Variants in EPHA7 observed in about 807,000 individuals in gnomAD.
EPHA7 encodes the protein ephrin type-A receptor 7.
Under a neutral mutation model 112.6 loss-of-function variants are expected in EPHA7, and 25 were observed. The observed-to-expected ratio is 0.22, with a 90% CI of 0.16 to 0.31. The LOEUF is 0.31. Among genes scored for constraint, EPHA7 ranks in the 10% least tolerant of loss-of-function variants. The pLI is 1.00. For synonymous variants in EPHA7, 437 were observed against 406.5 expected (o/e 1.07, Z -0.90); for missense variants, 962 against 1,212.6 (o/e 0.79, Z 3.07).
chr6:93,254,800 T>C lies in EPHA7; in HGVS notation c.2383-4A>G. ...ACCTTACTGGAATTTTTCCACCCTG[T>C]TATAAAAAGAAATGAACATTTTAAA... On this transcript the variant is annotated splice_region_variant and splice_polypyrimidine_tract_variant and intron_variant, in intron 13 of 16. Coordinates refer to ENST00000369303, the MANE Select transcript of EPHA7 (RefSeq NM_004440.4). The C allele has an allele frequency of 6.2e-7, 1 of 1,609,174 alleles. No individual in the cohort carries two copies. Among genetic ancestry groups the C allele is most frequent in the Non-Finnish European group, 8.5e-7 (1 of 1,177,418 alleles).
chr6:93,341,234 G>T (rs1775120438), intron 5 of EPHA7, among the ~76,000 whole-genome samples: 1 of 151,578 alleles, frequency 6.6e-6, no homozygotes, highest in Admixed American at 6.6e-5. Flanking sequence ...GAACCCCCAG[G>T]GTTTCTTGAA....
rs575555142 is a variant in EPHA7 at position 93,362,906 on chromosome 6, C to A, written c.833-4495G>T. Reference sequence around the variant, plus strand: ...CTTACCTGATTATATTTCTAAGGATCCCCCTTCCGACAATCTTGTTGCTAG... The same window carrying A: ...CTTACCTGATTATATTTCTAAGGATACCCCTTCCGACAATCTTGTTGCTAG... On this transcript the variant is annotated intron_variant, in intron 3 of 16. Coordinates refer to ENST00000369303, the MANE Select transcript of EPHA7 (RefSeq NM_004440.4). Among the ~76,000 whole-genome samples the A allele has an allele frequency of 2.6e-5, 4 of 152,160 alleles. No homozygotes were observed. In the South Asian group the frequency reaches 6.2e-4, roughly 24 times the overall value.
chr6:93,316,706 A>AATTGTTTACTATGTCTGACT (rs1329802597), intron 5 of EPHA7, among the ~76,000 whole-genome samples: 7 of 152,120 alleles, frequency 4.6e-5, no homozygotes, highest in Non-Finnish European at 2.9e-5. Context: ...CTTAAAGCAA[A>AATTGTTTACTATGTCTGACT]ATTGTTTACT....
At chr6:93,325,176 A>G (rs1774257357) in intron 5 of EPHA7, among the ~76,000 whole-genome samples, 1 of 151,410 alleles carries the variant, frequency 6.6e-6, no homozygotes, top group African/African-American at 2.4e-5. Flanking sequence ...TTGTTACAAA[A>G]TAAGCTATAG....
At chr6:93,365,411 T>C (rs1335746552) in intron 3 of EPHA7, among the ~76,000 whole-genome samples, 2 of 152,170 alleles carry the variant, frequency 1.3e-5, no homozygotes, top group African/African-American at 4.8e-5. Context: ...TCTGTTTCCA[T>C]AGGAGCTTTC....
intron 15 of EPHA7, among the ~76,000 whole-genome samples, chr6:93,246,147 G>T (rs1769938100): frequency 6.6e-6 from 1 of 151,882 alleles, no homozygotes; most frequent in South Asian, 2.1e-4. Context: ...TGCCTACCGG[G>T]TTCAAGCAAT....
At chr6:93,402,261 G>A (rs962650488) in intron 3 of EPHA7, among the ~76,000 whole-genome samples, 3 of 151,794 alleles carry the variant, frequency 2.0e-5, no homozygotes, top group Admixed American at 6.6e-5. Context: ...TGCATTGTGA[G>A]AACAAAGATG....
intron 7 of EPHA7, among the ~76,000 whole-genome samples, chr6:93,266,709 C>T (rs567622726): frequency 6.3e-4 from 96 of 151,808 alleles, no homozygotes; most frequent in African/African-American, 2.3e-3. Flanking sequence ...TTCTGACCTG[C>T]TTTCTGGCAC....
chr6:93,359,654 A>G (rs765857125), intron 3 of EPHA7, among the ~76,000 whole-genome samples: 2 of 152,138 alleles, frequency 1.3e-5, no homozygotes, highest in South Asian at 2.1e-4. Context: ...TAGTTTCCAG[A>G]AAACAGTTGA....
At chr6:93,321,819 C>T (rs1306730152) in intron 5 of EPHA7, among the ~76,000 whole-genome samples, 2 of 151,768 alleles carry the variant, frequency 1.3e-5, no homozygotes, top group East Asian at 3.9e-4. Context: ...GGTAAATGTC[C>T]AAACTATCTC....
intron 5 of EPHA7, among the ~76,000 whole-genome samples, chr6:93,319,126 T>C (rs1359553184): frequency 6.6e-6 from 1 of 152,098 alleles, no homozygotes; most frequent in East Asian, 1.9e-4. Context: ...TAGTAAAACA[T>C]ATATTTTCCC....
chr6:93,414,638 G>T, intron 2 of EPHA7, 65 bp downstream of exon 2: 2 of 1,220,940 alleles, frequency 1.6e-6, no homozygotes, highest in Non-Finnish European at 2.4e-6. Context: ...AATTACCCTG[G>T]AGGGAAGGGA....
intron 5 of EPHA7, 77 bp from the exon 6 acceptor site, chr6:93,272,499 T>G: frequency 2.3e-4 from 334 of 1,481,378 alleles, no homozygotes; most frequent in Non-Finnish European, 2.9e-4. Flanking sequence ...AACTGATCAG[T>G]CCCATGCTGT....
At chr6:93,335,063 T>G (rs1161501035) in intron 5 of EPHA7, among the ~76,000 whole-genome samples, 1 of 152,068 alleles carries the variant, frequency 6.6e-6, no homozygotes, top group Non-Finnish European at 1.5e-5. Flanking sequence ...ATGGGCTTTA[T>G]CACCTTCGGC....
intron 14 of EPHA7, among the ~76,000 whole-genome samples, chr6:93,252,293 AG>A (rs1456677751): frequency 2.0e-5 from 3 of 152,018 alleles, no homozygotes; most frequent in Non-Finnish European, 1.5e-5. Flanking sequence ...TTAAAATTTG[AG>A]GGCTTTCTAA....
At chr6:93,263,472 T>C (rs1770783819) in intron 9 of EPHA7, among the ~76,000 whole-genome samples, 2 of 151,330 alleles carry the variant, frequency 1.3e-5, no homozygotes, top group African/African-American at 4.8e-5. Context: ...CCTTTTGTGG[T>C]AGCATCACTC....
chr6:93,359,014 T>C (rs1301797927), intron 3 of EPHA7, among the ~76,000 whole-genome samples: 4 of 152,242 alleles, frequency 2.6e-5, no homozygotes, highest in Non-Finnish European at 5.9e-5. Flanking sequence ...TTCCACTAAG[T>C]GAACTTCTTT....
chr6:93,416,474 G>A (rs1296885260), intron 1 of EPHA7, among the ~76,000 whole-genome samples: 1 of 152,134 alleles, frequency 6.6e-6, no homozygotes, highest in African/African-American at 2.4e-5. Context: ...GCCTGGGGGT[G>A]GAAGCAAGGG....
In EPHA7 at chr6:93,272,297, C is replaced by T; in HGVS notation, c.1449+1G>A. ...ACATTTCAGTTGCTCTTAGCACTTA[C>T]TTTCTCGTAATACTTGATTTCATAT... is the stretch of plus-strand genomic sequence containing the variant. On this transcript the variant is annotated splice_donor_variant, in intron 6 of 16. Coordinates refer to ENST00000369303, the MANE Select transcript of EPHA7 (RefSeq NM_004440.4). LOFTEE classifies it high-confidence loss of function. The T allele has an allele frequency of 6.2e-7, 1 of 1,611,468 alleles. No individual in the cohort carries two copies. The highest frequency in any genetic ancestry group is 8.5e-7 in the Non-Finnish European group (1 of 1,178,188).
Sources: gnomAD v4.1 joint callset for allele counts (sites outside exome capture counted in the v4.1 genomes callset) on GRCh38, gnomAD v4.1.1 for gene constraint, MANE v1.5 for transcripts, NCBI Gene and HGNC (gene_info 2026-07-23, HGNC 2026-07-21) for gene names.